The following PTPRK variants were observed in gnomAD, a reference collection of about 807,000 sequenced individuals.
PTPRK encodes the protein protein tyrosine phosphatase receptor type K.
A neutral mutation model predicts 178.0 loss-of-function variants in PTPRK; 75 were observed. The observed-to-expected ratio is 0.42, with a 90% CI of 0.35 to 0.51. The LOEUF (loss-of-function observed/expected upper bound fraction) is 0.51. Among genes scored for constraint, PTPRK ranks in the 20% least tolerant of loss-of-function variants. The pLI is 0.02. For missense variants in PTPRK, 1,441 were observed against 1,797.8 expected (o/e 0.80, Z 3.59); for synonymous variants, 637 against 620.6 (o/e 1.03, Z -0.39).
intron 1 of PTPRK, among the ~76,000 whole-genome samples, chr6:128,448,051 A>T (rs1393112026): frequency 6.6e-6 from 1 of 152,224 alleles, no homozygotes; most frequent in Non-Finnish European, 1.5e-5. Context: ...ATGCTGTGGC[A>T]AATGCAAATG....
rs147119576 is a variant in PTPRK, at chr6:128,310,852, T to C, written c.495+11187A>G. 3.3e-3 allele frequency among the ~76,000 whole-genome samples: 498 copies of C among 152,286 alleles called. 2 individuals are homozygous for C. Among genetic ancestry groups the C allele is most frequent in the African/African-American group, 0.011 (445 of 41,556 alleles). On this transcript the variant is annotated intron_variant, in intron 3 of 29. Transcript: ENST00000368226. ...GGCACAATGAATCTTACTTGGCATA[T>C]TGGACACAGAACTTGTCCGACTTGG...
intron 7 of PTPRK, among the ~76,000 whole-genome samples, chr6:128,109,283 C>T (rs1007114868): frequency 6.6e-6 from 1 of 152,140 alleles, no homozygotes; most frequent in Non-Finnish European, 1.5e-5. Flanking sequence ...ATGTAACCCA[C>T]ATACATTATT....
chr6:127,995,780 TTGTC>T (rs1583561186), intron 17 of PTPRK, among the ~76,000 whole-genome samples: 4 of 152,212 alleles, frequency 2.6e-5, no homozygotes, highest in South Asian at 2.1e-4. Flanking sequence ...AGACATGAAA[TTGTC>T]TGGTAAGTAA....
At chr6:128,384,941 GTAT>G (rs1209395380) in intron 2 of PTPRK, among the ~76,000 whole-genome samples, 1 of 151,282 alleles carries the variant, frequency 6.6e-6, no homozygotes, top group Middle Eastern at 3.2e-3. Context: ...CTCCAGGATA[GTAT>G]TATACATATT....
intron 7 of PTPRK, among the ~76,000 whole-genome samples, chr6:128,127,372 C>A (rs1342970012): frequency 6.6e-6 from 1 of 152,142 alleles, no homozygotes; most frequent in African/African-American, 2.4e-5. Context: ...ATCTTAAGAT[C>A]AAGTTAGGAA....
intron 3 of PTPRK, among the ~76,000 whole-genome samples, chr6:128,281,368 G>A (rs945011520): frequency 2.6e-5 from 4 of 152,118 alleles, no homozygotes; most frequent in Non-Finnish European, 4.4e-5. Flanking sequence ...GCATATTTTA[G>A]GAAGAATATA....
chr6:128,300,604 G>A (rs903744929), intron 3 of PTPRK, among the ~76,000 whole-genome samples: 12 of 149,314 alleles, frequency 8.0e-5, no homozygotes, highest in South Asian at 2.1e-4. Context: ...GTAAACTATC[G>A]CAAGAACAAA....
At chr6:128,359,197 T>C (rs1834374257) in intron 2 of PTPRK, among the ~76,000 whole-genome samples, 1 of 149,394 alleles carries the variant, frequency 6.7e-6, no homozygotes, top group Non-Finnish European at 1.5e-5. Context: ...ACGCCTGTAA[T>C]CCCAGCACTT....
chr6:128,150,227 C>T (rs969837245), intron 7 of PTPRK, among the ~76,000 whole-genome samples: 1 of 152,084 alleles, frequency 6.6e-6, no homozygotes, highest in Admixed American at 6.6e-5. Flanking sequence ...AATTACTGCA[C>T]TGGGCTTAGT....
intron 7 of PTPRK, among the ~76,000 whole-genome samples, chr6:128,105,130 C>CTTTTTTTTTTT (rs1382748903): frequency 2.8e-5 from 4 of 140,758 alleles, no homozygotes; most frequent in Admixed American, 1.4e-4. Context: ...TCACTTATTT[C>CTTTTTTTTTTT]TTTTTTTTTT....
intron 1 of PTPRK, among the ~76,000 whole-genome samples, chr6:128,464,783 C>A (rs1183102591): frequency 2.0e-5 from 3 of 147,726 alleles, no homozygotes; most frequent in African/African-American, 7.4e-5. Context: ...CGAGCCATAA[C>A]ACCAATGTTA....
At chr6:128,472,171 T>C (rs1850768832) in intron 1 of PTPRK, among the ~76,000 whole-genome samples, 1 of 152,164 alleles carries the variant, frequency 6.6e-6, no homozygotes, top group Non-Finnish European at 1.5e-5. Context: ...GTGATTCTGC[T>C]GAGCTTTTGC....
At chr6:128,252,148 G>A (rs951205877) in intron 3 of PTPRK, among the ~76,000 whole-genome samples, 1 of 152,154 alleles carries the variant, frequency 6.6e-6, no homozygotes, top group Non-Finnish European at 1.5e-5. Flanking sequence ...AAAGCCCAAA[G>A]ACGGAGATTT....
chr6:128,438,197 AAG>A (rs1845847421), intron 1 of PTPRK, among the ~76,000 whole-genome samples: 1 of 152,222 alleles, frequency 6.6e-6, no homozygotes, highest in Non-Finnish European at 1.5e-5. Flanking sequence ...ACGTTTCTCA[AAG>A]AGAGTCTTGC....
At position 127,990,809 on chromosome 6, in the gene PTPRK, G is replaced by A; in HGVS notation, c.3056C>T (p.Pro1019Leu). Residue 1019 changes from proline (P) to leucine (L), a missense_variant, in exon 21 of 30, where the codon CCA becomes CTA. Around this residue, in one of 4 missense-constraint regions of PTPRK, gnomAD observed 945 missense variants for 1,080.6 expected, o/e 0.87. Coordinates refer to ENST00000368226, the MANE Select transcript of PTPRK (RefSeq NM_002844.4). ...DFKVTCVEMEPLAEYVVRTFT... is the reference protein window; with the variant it reads ...DFKVTCVEMELLAEYVVRTFT... ...TGTCCTAACTACATATTCAGCAAGT[G>A]GTTCCATTTCTACACACGTTACTTT... 6.2e-7 allele frequency: 1 copy of A among 1,610,920 alleles called. No individual in the cohort carries two copies. Among genetic ancestry groups the A allele is most frequent in the Non-Finnish European group, 8.5e-7 (1 of 1,177,532 alleles).
intron 2 of PTPRK, among the ~76,000 whole-genome samples, chr6:128,352,772 C>T (rs1336522529): frequency 1.3e-5 from 2 of 152,178 alleles, no homozygotes; most frequent in Non-Finnish European, 2.9e-5. Context: ...GCACATATAA[C>T]ATCTTATAAT....
intron 13 of PTPRK, among the ~76,000 whole-genome samples, chr6:128,014,848 T>G (rs1186208725): frequency 1.3e-5 from 2 of 151,664 alleles, no homozygotes; most frequent in African/African-American, 4.8e-5. Flanking sequence ...TTGCATGTGA[T>G]CTTATGAAAC....
At chr6:128,301,743 C>T (rs970627650) in intron 3 of PTPRK, among the ~76,000 whole-genome samples, 1 of 152,074 alleles carries the variant, frequency 6.6e-6, no homozygotes, top group Non-Finnish European at 1.5e-5. Context: ...TGAATATACA[C>T]ACTGTTTGAG....
At chr6:128,189,785 C>T (rs75062815) in intron 6 of PTPRK, among the ~76,000 whole-genome samples, 3,321 of 152,176 alleles carry the variant, frequency 0.022, 100 homozygotes, top group African/African-American at 0.046. Context: ...TGTTAGACAA[C>T]AAATTCACAG....
Sources: allele counts gnomAD v4.1 joint callset (sites outside exome capture counted in the v4.1 genomes callset), GRCh38; gene constraint gnomAD v4.1.1; regional missense constraint gnomAD v4.1.1; transcripts MANE v1.5; gene names NCBI Gene and HGNC (gene_info 2026-07-23, HGNC 2026-07-21).